PLCZ1: variants seen among roughly 807,000 people sequenced by gnomAD.
PLCZ1 encodes the protein 1-phosphatidylinositol 4,5-bisphosphate phosphodiesterase zeta-1.
In PLCZ1, 64 loss-of-function variants were observed where a neutral mutation model predicts 76.8. The observed-to-expected ratio is 0.83, with a 90% CI of 0.68 to 1.03. The LOEUF (loss-of-function observed/expected upper bound fraction) is 1.03. Ranked by LOEUF, PLCZ1 falls within the 50% of genes least tolerant of loss-of-function variation. The pLI is 0.00. For missense variants in PLCZ1, 751 were observed against 713.7 expected (o/e 1.05, Z -0.60); for synonymous variants, 248 against 230.8 (o/e 1.07, Z -0.68).
chr12:18,690,812 T>C (rs1272781675), intron 12 of PLCZ1, among the ~76,000 whole-genome samples: 1 of 152,124 alleles, frequency 6.6e-6, no homozygotes, highest in African/African-American at 2.4e-5. Context: ...AGGTGAGTCA[T>C]GGTTAGAGAA....
intron 12 of PLCZ1, chr12:18,692,769 CAA>C: frequency 7.5e-7 from 1 of 1,339,776 alleles, no homozygotes. Flanking sequence ...CAAGATGGGT[CAA>C]AGTCAGAGTG....
Position 18,712,960 on chromosome 12 carries a change from A to C in PLCZ1, c.596T>G (p.Leu199Trp), listed in dbSNP as rs756807372. 3 of 1,613,942 alleles carry C rather than the reference A, an allele frequency of 1.9e-6. No individual in the cohort carries two copies. The highest frequency in any genetic ancestry group is 2.5e-6 in the Non-Finnish European group (3 of 1,179,844). ...TGCTCCATCCCAGCAGTCAATCTCC[A>C]AACAACGGCATCCTTTCACAAGGGC... ...VSALVKGCRC[L>W]EIDCWDGAQN... is the part of the protein sequence containing the mutation. Residue 199 changes from leucine to tryptophan, a missense_variant, in exon 6 of 15, where the codon TTG (leucine) becomes TGG (tryptophan). Transcript: ENST00000266505.
chr12:18,710,925 C>T (rs993527688), intron 6 of PLCZ1, among the ~76,000 whole-genome samples: 2 of 152,068 alleles, frequency 1.3e-5, no homozygotes, highest in African/African-American at 4.8e-5. Context: ...AACACTTTTA[C>T]ACTGTTGGTT....
intron 2 of PLCZ1, chr12:18,736,639 A>G (rs1959309112): frequency 1.5e-6 from 2 of 1,295,876 alleles, no homozygotes; most frequent in South Asian, 2.5e-5. Context: ...ATAACAATCT[A>G]TTGCCTGAAG....
chr12:18,688,346 T>C (rs1466738429), intron 12 of PLCZ1, 128 bp from the exon 13 acceptor site: 1 of 905,946 alleles, frequency 1.1e-6, no homozygotes, highest in Non-Finnish European at 1.6e-6. Context: ...ACATTGAAAG[T>C]GGAATACAAT....
At chr12:18,720,633 A>T (rs1296771632) in intron 4 of PLCZ1, among the ~76,000 whole-genome samples, 1 of 151,988 alleles carries the variant, frequency 6.6e-6, no homozygotes, top group Non-Finnish European at 1.5e-5. Flanking sequence ...TGCTATTATT[A>T]CTGTTGATAG....
the PLCZ1 span, among the ~76,000 whole-genome samples, chr12:18,651,406 A>T: frequency 1.2e-4 from 19 of 152,136 alleles, no homozygotes; most frequent in Admixed American, 1.2e-3. Flanking sequence ...TTATGCACTT[A>T]TCATCTTTGA....
chr12:18,675,646 A>G, the PLCZ1 span, among the ~76,000 whole-genome samples: 6 of 152,162 alleles, frequency 3.9e-5, no homozygotes, highest in Non-Finnish European at 7.4e-5. Flanking sequence ...TGATTGGGTA[A>G]ATAAAATGTG....
chr12:18,684,927 C>G (rs1317872889), intron 13 of PLCZ1, among the ~76,000 whole-genome samples: 1 of 151,932 alleles, frequency 6.6e-6, no homozygotes, highest in Non-Finnish European at 1.5e-5. Flanking sequence ...CTCTTACTAG[C>G]AATCTCCTGC....
intron 12 of PLCZ1, among the ~76,000 whole-genome samples, chr12:18,691,725 G>C (rs1181941240): frequency 4.6e-5 from 7 of 152,164 alleles, no homozygotes; most frequent in Admixed American, 2.0e-4. Flanking sequence ...GAAGTCAGTA[G>C]TTAATTCTTT....
At position 18,705,150 on chromosome 12, in the gene PLCZ1, C is replaced by T. The variant is rs775175042; in HGVS notation, c.864+16G>A. On this transcript the variant is annotated intron_variant, in intron 7 of 14. Transcript: ENST00000266505. ...GACTTTTTTCTTAACCTGAGTTTCT[C>T]AGAAAAAAATGTTACCTCTGGTGAT... The T allele has an allele frequency of 6.2e-7, 1 of 1,613,472 alleles. No homozygotes were observed. The highest frequency in any genetic ancestry group is 8.5e-7 in the Non-Finnish European group (1 of 1,179,650).
chr12:18,716,661 T>C (rs537652182), intron 5 of PLCZ1, among the ~76,000 whole-genome samples: 1 of 152,338 alleles, frequency 6.6e-6, no homozygotes, highest in Admixed American at 6.5e-5. Flanking sequence ...CCTTCTAGAA[T>C]TTGTACAGAA....
chr12:18,671,878 G>T, the PLCZ1 span, among the ~76,000 whole-genome samples: 2 of 152,116 alleles, frequency 1.3e-5, no homozygotes, highest in Non-Finnish European at 2.9e-5. Context: ...CAGATTCAAT[G>T]TCTGGTGAAG....
intron 3 of PLCZ1, among the ~76,000 whole-genome samples, chr12:18,726,639 C>T (rs1475528893): frequency 1.3e-5 from 2 of 150,874 alleles, no homozygotes; most frequent in East Asian, 3.9e-4. Flanking sequence ...TCCATATTGT[C>T]ACCATTTTCC....
At chr12:18,677,545 C>G in the PLCZ1 span, among the ~76,000 whole-genome samples, 2 of 151,972 alleles carry the variant, frequency 1.3e-5, no homozygotes, top group Non-Finnish European at 2.9e-5. Flanking sequence ...AAAATGTCCC[C>G]TATGCTGTTT....
At chr12:18,665,874 G>A in the PLCZ1 span, among the ~76,000 whole-genome samples, 1 of 151,154 alleles carries the variant, frequency 6.6e-6, no homozygotes, top group African/African-American at 2.4e-5. Flanking sequence ...GGCAGAGGTT[G>A]CAGTGAGCCA....
At position 18,712,895 on chromosome 12, in the gene PLCZ1, T is replaced by C; in HGVS notation, c.661A>G (p.Ser221Gly). 3.1e-6 allele frequency: 5 copies of C among 1,613,970 alleles called. No individual in the cohort carries two copies. Among genetic ancestry groups the C allele is most frequent in the Non-Finnish European group, 3.4e-6 (4 of 1,179,874 alleles). ...PVVYHGYTLT[S>G]KLLFKTVIQA... ...ATAACAGTTTTAAACAGAAGTTTGC[T>C]TGTGAGTGTGTAGCCATGATATACA... The change falls in exon 6 of 15, where the codon AGC (serine) becomes GGC (glycine). Residue 221 changes from serine to glycine, a missense_variant. Transcript: ENST00000266505.
chr12:18,654,034 G>A, the PLCZ1 span, among the ~76,000 whole-genome samples: 1 of 152,026 alleles, frequency 6.6e-6, no homozygotes, highest in African/African-American at 2.4e-5. Context: ...TACTATCAGA[G>A]CAATGGTAGC....
At chr12:18,674,847 C>T in the PLCZ1 span, among the ~76,000 whole-genome samples, 670 of 152,258 alleles carry the variant, frequency 4.4e-3, 2 homozygotes, top group African/African-American at 0.015. Flanking sequence ...CTCTTGTCCG[C>T]TTAGAACACT....
Sources: allele counts gnomAD v4.1 joint callset (sites outside exome capture counted in the v4.1 genomes callset), GRCh38; gene constraint gnomAD v4.1.1; transcripts MANE v1.5; gene names NCBI Gene and HGNC (gene_info 2026-07-23, HGNC 2026-07-21).